PTPRR: variants seen among roughly 807,000 people sequenced by gnomAD.
PTPRR encodes the protein receptor-type tyrosine-protein phosphatase R.
Under a neutral mutation model 77.2 loss-of-function variants are expected in PTPRR, and 38 were observed. The ratio of observed to expected loss-of-function variants is 0.49; its 90% CI spans 0.38 to 0.65. The LOEUF is 0.65. Among genes scored for constraint, PTPRR ranks in the 30% least tolerant of loss-of-function variants. PTPRR has a pLI of 0.00. For missense variants in PTPRR, 744 were observed against 799.2 expected (o/e 0.93, Z 0.83); for synonymous variants, 299 against 283.1 (o/e 1.06, Z -0.57).
At chr12:70,878,259 T>C (rs1422499129) in intron 2 of PTPRR, among the ~76,000 whole-genome samples, 2 of 152,084 alleles carry the variant, frequency 1.3e-5, no homozygotes, top group East Asian at 3.9e-4. Flanking sequence ...TGGGATCTAA[T>C]TAAACTAAAG....
intron 2 of PTPRR, among the ~76,000 whole-genome samples, chr12:70,884,152 A>G (rs10879209): frequency 0.68 from 103,002 of 151,520 alleles, 36,112 homozygotes; most frequent in African/African-American, 0.86. Context: ...TTTTCCTAAA[A>G]AAAGAGAAAG....
chr12:70,766,803 A>T (rs1322798287), intron 2 of PTPRR, among the ~76,000 whole-genome samples: 4 of 152,214 alleles, frequency 2.6e-5, no homozygotes, highest in African/African-American at 9.6e-5. Flanking sequence ...CCATCAGACT[A>T]ACAGCGGATC....
chr12:70,845,550 A>C (rs867521562), intron 2 of PTPRR, among the ~76,000 whole-genome samples: 6 of 152,158 alleles, frequency 3.9e-5, no homozygotes, highest in African/African-American at 9.7e-5. Flanking sequence ...AATTAATCCT[A>C]TCTCTCTCTT....
At chr12:70,899,854 G>T (rs1239335822) in intron 1 of PTPRR, among the ~76,000 whole-genome samples, 1 of 151,206 alleles carries the variant, frequency 6.6e-6, no homozygotes, top group African/African-American at 2.4e-5. Context: ...AATATATAAA[G>T]GCAACCTACA....
At chr12:70,745,072 T>G (rs978050140) in intron 6 of PTPRR, among the ~76,000 whole-genome samples, 2 of 152,304 alleles carry the variant, frequency 1.3e-5, no homozygotes, top group Non-Finnish European at 2.9e-5. Flanking sequence ...GTCATGGATT[T>G]TTTTTTTCTT....
Position 70,712,021 on chromosome 12 carries a change from T to C in PTPRR, c.1008-10698A>G, listed in dbSNP as rs79866417. Reference sequence around the variant, plus strand: ...CCATGTAATCGTGGGCTTTGGTCAGTTAGGTGCTTTGCAAATAAACCAGGA... The same window carrying C: ...CCATGTAATCGTGGGCTTTGGTCAGCTAGGTGCTTTGCAAATAAACCAGGA... On this transcript the variant is annotated intron_variant, in intron 6 of 13. Transcript: ENST00000283228. Among the ~76,000 whole-genome samples, 1,414 of 152,198 alleles carry C rather than the reference T, an allele frequency of 9.3e-3. 18 individuals carry two copies. The highest frequency in any genetic ancestry group is 0.032 in the African/African-American group (1,328 of 41,546).
At chr12:70,711,084 T>A (rs1210111438) in intron 6 of PTPRR, among the ~76,000 whole-genome samples, 2 of 152,044 alleles carry the variant, frequency 1.3e-5, no homozygotes. Context: ...AAAGACACAT[T>A]CACACATATG....
rs370507962 is a variant in PTPRR, at chr12:70,871,790, TTAGAG to T, written c.357+20884_357+20888del. On this transcript the variant is annotated intron_variant, in intron 2 of 13. Transcript: ENST00000283228. The stretch of plus-strand genomic sequence containing the variant: ...ATATCCTAGAAATTAAATGTTCCTG[TTAGAG>T]TAAATTGTTCTCTGATAGTGAAATT... 1.7e-4 allele frequency among the ~76,000 whole-genome samples: 26 copies of T among 152,362 alleles called. No homozygotes were observed. In the South Asian group the frequency reaches 4.8e-3, roughly 28 times the overall value.
intron 2 of PTPRR, among the ~76,000 whole-genome samples, chr12:70,783,776 T>A (rs1348371334): frequency 6.6e-6 from 1 of 150,620 alleles, no homozygotes; most frequent in Admixed American, 6.6e-5. Flanking sequence ...CACCTGCAGT[T>A]CAGCACCCAG....
intron 2 of PTPRR, among the ~76,000 whole-genome samples, chr12:70,791,304 G>A (rs910376148): frequency 7.9e-5 from 12 of 151,916 alleles, no homozygotes; most frequent in Admixed American, 3.9e-4. Context: ...CCAAGCCCCC[G>A]CCAGCCTCAG....
chr12:70,705,169 C>T (rs953965431), intron 6 of PTPRR, among the ~76,000 whole-genome samples: 3 of 152,070 alleles, frequency 2.0e-5, no homozygotes, highest in Admixed American at 2.0e-4. Flanking sequence ...ACATCCATTT[C>T]AGCAAGAGAA....
intron 2 of PTPRR, among the ~76,000 whole-genome samples, chr12:70,864,635 T>A (rs1369060125): frequency 1.3e-5 from 2 of 152,228 alleles, no homozygotes; most frequent in African/African-American, 2.4e-5. Context: ...AGACTGGACA[T>A]AAAGATGACG....
intron 1 of PTPRR, among the ~76,000 whole-genome samples, chr12:70,898,228 TAAA>T (rs145716214): frequency 6.9e-6 from 1 of 144,428 alleles, no homozygotes; most frequent in Admixed American, 6.9e-5. Context: ...AGAGAAACCT[TAAA>T]AAAAAAAAAG....
chr12:70,687,726 C>A (rs539333470), intron 8 of PTPRR, among the ~76,000 whole-genome samples: 1 of 152,058 alleles, frequency 6.6e-6, no homozygotes, highest in Non-Finnish European at 1.5e-5. Flanking sequence ...AAGGACTGTT[C>A]GAATCAGGAT....
chr12:70,895,413 C>T (rs1004285084), intron 1 of PTPRR, among the ~76,000 whole-genome samples: 8 of 151,194 alleles, frequency 5.3e-5, no homozygotes, highest in East Asian at 1.9e-4. Flanking sequence ...ATTGGCCTAC[C>T]GAGAAAGGGA....
intron 10 of PTPRR, among the ~76,000 whole-genome samples, chr12:70,663,867 T>C (rs1886883682): frequency 6.6e-6 from 1 of 152,196 alleles, no homozygotes; most frequent in African/African-American, 2.4e-5. Context: ...TTTCTTCACA[T>C]CTTTGTCAAA....
At chr12:70,781,303 C>A (rs1317731861) in intron 2 of PTPRR, among the ~76,000 whole-genome samples, 1 of 152,132 alleles carries the variant, frequency 6.6e-6, no homozygotes, top group Non-Finnish European at 1.5e-5. Context: ...AGAGAAACAT[C>A]ATGGTAAATG....
intron 13 of PTPRR, among the ~76,000 whole-genome samples, chr12:70,649,282 A>T (rs1416824619): frequency 6.6e-6 from 1 of 152,186 alleles, no homozygotes; most frequent in Non-Finnish European, 1.5e-5. Context: ...AATGAGCCCC[A>T]TTTCAAGTAT....
chr12:70,905,137 G>A (rs1893602163), intron 1 of PTPRR, among the ~76,000 whole-genome samples: 1 of 151,832 alleles, frequency 6.6e-6, no homozygotes, highest in African/African-American at 2.4e-5. Flanking sequence ...TGGATTTGAG[G>A]AAGGTATTTA....
Sources: allele counts gnomAD v4.1 joint callset (sites outside exome capture counted in the v4.1 genomes callset), GRCh38; gene constraint gnomAD v4.1.1; transcripts MANE v1.5; gene names NCBI Gene and HGNC (gene_info 2026-07-23, HGNC 2026-07-21).